Variants in C2 observed in about 807,000 individuals in gnomAD.
The protein encoded by C2 is complement C2, also known as C3/C5 convertase.
Under a neutral mutation model 85.2 loss-of-function variants are expected in C2, and 64 were observed. The observed-to-expected ratio is 0.75, with a 90% CI of 0.61 to 0.92. The LOEUF (loss-of-function observed/expected upper bound fraction) is 0.92. Ranked by LOEUF, C2 falls within the 40% of genes least tolerant of loss-of-function variation. The pLI is 0.00. For missense variants in C2, 820 were observed against 971.6 expected (o/e 0.84, Z 2.07); for synonymous variants, 311 against 370.8 (o/e 0.84, Z 1.85).
intron 1 of C2, among the ~76,000 whole-genome samples, chr6:31,910,944 C>T (rs113421621): frequency 0.029 from 4,333 of 151,844 alleles, 114 homozygotes; most frequent in South Asian, 0.095. Flanking sequence ...CGTGCCACTG[C>T]ACTCCAGCCT....
rs751253087 is a variant in C2 at position 31,942,978 on chromosome 6, G to C, written c.1239G>C (p.Val413=). Residue 413 remains valine, a synonymous_variant, in exon 10 of 18, where the codon GTG becomes GTC. Coordinates refer to ENST00000299367, the MANE Select transcript of C2 (RefSeq NM_000063.6). ...CACCAGACATCTATGCCATCGGGGT[G>C]GGCAAGCTGGATGTGGACTGGAGAG... is the stretch of plus-strand genomic sequence containing the variant. ...NDYLDIYAIG[V]GKLDVDWREL... 1.2e-6 allele frequency: 2 copies of C among 1,613,100 alleles called. No homozygotes were observed. Among genetic ancestry groups the C allele is most frequent in the South Asian group, 2.2e-5 (2 of 91,086 alleles).
chr6:31,901,363 T>G, intron 1 of C2: 10 of 1,529,394 alleles, frequency 6.5e-6, no homozygotes, highest in East Asian at 2.3e-5. Context: ...CAAAGGTCTC[T>G]GGCTCTCCGA....
rs1008583753 is a variant in C2 at position 31,933,500 on chromosome 6, G to A, written c.443-110G>A. 13 of 1,090,844 alleles carry A rather than the reference G, an allele frequency of 1.2e-5. No homozygotes were observed. The African/African-American group carries it at 1.2e-4, about 10-fold the overall frequency. 67.6% of individuals were successfully genotyped at this position (1,090,844 alleles called of 1,614,324 possible). ...TGGGGGCTCTGGGACAGACATGGGT[G>A]CATCCCTGGGTTGGAACTGGGAAGC... is the stretch of plus-strand genomic sequence containing the variant. On this transcript the variant is annotated intron_variant, in intron 3 of 17. Coordinates refer to ENST00000299367, the MANE Select transcript of C2 (RefSeq NM_000063.6).
chr6:31,924,849 G>A (rs1222123956), upstream of C2, among the ~76,000 whole-genome samples: 5 of 152,274 alleles, frequency 3.3e-5, no homozygotes, highest in African/African-American at 4.8e-5. Flanking sequence ...CCCCTTTGCC[G>A]TGTGACTTTG....
intron 6 of C2, 164 bp downstream of exon 6, chr6:31,934,463 C>T: frequency 1.6e-6 from 2 of 1,252,550 alleles, no homozygotes; most frequent in Non-Finnish European, 1.1e-6. Flanking sequence ...TTTATACAAT[C>T]ATAATTTTTA....
chr6:31,927,961 C>T lies in C2; in HGVS notation c.53C>T (p.Ala18Val). ...FCLLFLYPGL[A>V]DSAPSCPQNV... ...CTTGTTCCCACGGCTCTAGGTCTGG[C>T]AGACTCGGCTCCCTCCTGCCCTCAG... Residue 18 changes from alanine (A) to valine (V), a missense_variant, in exon 2 of 18, where the codon GCA becomes GTA. By Grantham distance (64) the Ala-to-Val change is moderately conservative. Coordinates refer to ENST00000299367, the MANE Select transcript of C2 (RefSeq NM_000063.6). The surrounding 1 kb of genome is among the most constrained non-coding windows in gnomAD (Gnocchi z 4.7). 6.2e-7 allele frequency: 1 copy of T among 1,614,008 alleles called. No individual in the cohort carries two copies. The highest frequency in any genetic ancestry group is 8.5e-7 in the Non-Finnish European group (1 of 1,179,850).
At chr6:31,903,317 G>A (rs1334482542) in intron 1 of C2, among the ~76,000 whole-genome samples, 1 of 152,218 alleles carries the variant, frequency 6.6e-6, no homozygotes, top group African/African-American at 2.4e-5. Flanking sequence ...TATGTTGTGG[G>A]TTTTGTTTTG....
At chr6:31,934,001 G>T (rs749839162) in intron 5 of C2, 36 bp downstream of exon 5, 2 of 1,590,856 alleles carry the variant, frequency 1.3e-6, no homozygotes, top group Admixed American at 1.7e-5. Flanking sequence ...GTTGAGCAGG[G>T]TGCTGGATCT....
chr6:31,916,319 G>A (rs1768497916), upstream of C2, among the ~76,000 whole-genome samples: 1 of 152,156 alleles, frequency 6.6e-6, no homozygotes, highest in African/African-American at 2.4e-5. Context: ...AGCACTTTGG[G>A]AGGCTGAGGT....
At chr6:31,936,656 T>G (rs1339215674) in intron 7 of C2, 1 of 157,368 alleles carries the variant, frequency 6.4e-6, no homozygotes, top group African/African-American at 2.4e-5. Flanking sequence ...TTCGGGCACC[T>G]GCCACCATGC....
chr6:31,918,235 T>A (rs1768695267), upstream of C2, among the ~76,000 whole-genome samples: 2 of 150,828 alleles, frequency 1.3e-5, no homozygotes. Flanking sequence ...CCGTGAGCTA[T>A]GATCAGGTCT....
chr6:31,916,558 CAAAAAA>C (rs9279453), upstream of C2, among the ~76,000 whole-genome samples: 5 of 81,078 alleles, frequency 6.2e-5, no homozygotes, highest in Admixed American at 2.7e-4. Context: ...GACTCCGTCT[CAAAAAA>C]AAAAAAAAAA....
chr6:31,937,481 T>C, intron 8 of C2, 22 bp downstream of exon 8: 3 of 1,612,446 alleles, frequency 1.9e-6, no homozygotes, highest in Non-Finnish European at 1.7e-6. Flanking sequence ...GGTCTCTGAG[T>C]GTGTCTGGAA....
chr6:31,917,380 G>C (rs1768615605), upstream of C2, among the ~76,000 whole-genome samples: 2 of 151,872 alleles, frequency 1.3e-5, no homozygotes, highest in African/African-American at 4.8e-5. Context: ...ATTAGCGTAG[G>C]AACAGAAAAC....
chr6:31,939,169 C>T, intron 8 of C2, 62 bp from the exon 9 acceptor site: 1 of 1,191,216 alleles, frequency 8.4e-7, no homozygotes, highest in Non-Finnish European at 1.3e-6. Context: ...CTTTCCTACT[C>T]TTCCAGGGCC....
rs542428458 is a variant in C2 at position 31,921,032 on chromosome 6, A to G, written c.-100+1006A>G. On this transcript the variant is annotated intron_variant, in intron 1 of 3. Transcript: ENST00000413154. This position sits in a 1 kb window ranked among gnomAD's most constrained non-coding sequence, Gnocchi z 4.6. ...ATGTATGTGGAGATTCCTCAAGATC[A>G]TAGTTGGGCAATCACTTCAAAGTTA... Among the ~76,000 whole-genome samples, 261 of 152,292 alleles carry G rather than the reference A, an allele frequency of 1.7e-3. No homozygotes were observed. Among genetic ancestry groups the G allele is most frequent in the Non-Finnish European group, 3.4e-3 (232 of 68,022 alleles).
intron 2 of C2, 154 bp downstream of exon 2, chr6:31,928,318 C>T (rs1769432510): frequency 2.8e-6 from 2 of 726,336 alleles, no homozygotes; most frequent in Admixed American, 4.2e-5. Context: ...TGTCAATTGC[C>T]AGTAGCAAGG....
chr6:31,920,048 C>G lies in C2; in HGVS notation c.-100+22C>G, dbSNP rs1482563383. On this transcript the variant is annotated intron_variant, in intron 1 of 3. Transcript: ENST00000413154. The surrounding 1 kb of genome is among the most constrained non-coding windows in gnomAD (Gnocchi z 5.6). ...CAGGGTGAGTAAGGCTACGAAATAG[C>G]TAATGAATTTGCCAAGCCAAACCTG... 6.6e-6 allele frequency: 1 copy of G among 152,222 alleles called. No homozygotes were observed. The highest frequency in any genetic ancestry group is 1.5e-5 in the Non-Finnish European group (1 of 68,054). 9.4% of individuals were successfully genotyped at this position (152,222 alleles called of 1,614,324 possible). A position where few individuals can be genotyped will look rare whatever the true frequency, so the allele number is the denominator to read the frequency against.
At chr6:31,930,528 G>C (rs543796667) in intron 3 of C2, among the ~76,000 whole-genome samples, 14 of 152,330 alleles carry the variant, frequency 9.2e-5, no homozygotes, top group African/African-American at 1.7e-4. Flanking sequence ...AAGCACTTTT[G>C]TCATAGTTAT....
Sources: gnomAD v4.1 joint callset for allele counts (sites outside exome capture counted in the v4.1 genomes callset) on GRCh38, gnomAD v4.1.1 for gene constraint, Gnocchi (gnomAD v3.1) non-coding constraint, MANE v1.5 for transcripts, NCBI Gene and HGNC (gene_info 2026-07-23, HGNC 2026-07-21) for gene names.